SAR1B: variants seen among roughly 807,000 people sequenced by gnomAD.
SAR1B encodes small COPII coat GTPase SAR1B.
SAR1B carries 23 observed loss-of-function variants against 26.8 expected under a neutral mutation model. The ratio of observed to expected loss-of-function variants is 0.86; its 90% CI spans 0.62 to 1.22. The LOEUF (loss-of-function observed/expected upper bound fraction) is 1.22. Ranked by LOEUF, SAR1B falls within the 50% of genes most tolerant of loss-of-function variation. The pLI is 0.00. For synonymous variants in SAR1B, 65 were observed against 80.8 expected (o/e 0.80, Z 1.05); for missense variants, 196 against 232.8 (o/e 0.84, Z 1.03).
At chr5:134,620,034 C>T (rs1174218281) in intron 3 of SAR1B, among the ~76,000 whole-genome samples, 4 of 151,494 alleles carry the variant, frequency 2.6e-5, no homozygotes, top group Non-Finnish European at 4.4e-5. Context: ...AGCCTGGGCG[C>T]GGTGGCTCAC....
At chr5:134,625,817 T>C (rs1271491571) in intron 1 of SAR1B, 1 of 152,032 alleles carries the variant, frequency 6.6e-6, no homozygotes, top group East Asian at 1.9e-4. Flanking sequence ...GTGAATCAAG[T>C]GGCAAAGTCC....
intron 3 of SAR1B, among the ~76,000 whole-genome samples, chr5:134,620,624 G>T (rs1314016206): frequency 6.6e-6 from 1 of 152,210 alleles, no homozygotes; most frequent in East Asian, 1.9e-4. Context: ...ACTTTCGGAG[G>T]CTGAGAGAGG....
At chr5:134,611,733 T>G (rs184084492) in intron 4 of SAR1B, among the ~76,000 whole-genome samples, 1 of 151,708 alleles carries the variant, frequency 6.6e-6, no homozygotes, top group Admixed American at 6.6e-5. Context: ...CCAAGGGAGG[T>G]AGCAGGGCAT....
At chr5:134,628,941 A>ACCATGC (rs886551478) in intron 1 of SAR1B, among the ~76,000 whole-genome samples, 2 of 152,012 alleles carry the variant, frequency 1.3e-5, no homozygotes, top group Admixed American at 1.3e-4. Flanking sequence ...GATGTGAGCC[A>ACCATGC]CCATGCCCGG....
rs1019167743 is a variant in SAR1B, at chr5:134,601,848, A to C, written c.*5102T>G. On this transcript the variant is annotated 3_prime_UTR_variant, in exon 7 of 7. Transcript: ENST00000402673. ...ATCACGTGAGGTCAGAAGTTCGACA[A>C]GCCTGGACAACATGGTGAAACCCTG... The C allele has an allele frequency of 2.6e-5, 4 of 152,206 alleles. No individual in the cohort carries two copies. Among genetic ancestry groups the C allele is most frequent in the Admixed American group, 6.5e-5 (1 of 15,268 alleles). 9.4% of individuals were successfully genotyped at this position (152,206 alleles called of 1,614,324 possible). A position where few individuals can be genotyped will look rare whatever the true frequency, so the allele number is the denominator to read the frequency against.
intron 3 of SAR1B, among the ~76,000 whole-genome samples, chr5:134,619,858 A>G (rs1488564600): frequency 6.6e-6 from 1 of 152,058 alleles, no homozygotes; most frequent in African/African-American, 2.4e-5. Context: ...AATGGCTCCT[A>G]TCTTTAATCC....
chr5:134,615,889 C>T (rs541932548), intron 3 of SAR1B, among the ~76,000 whole-genome samples: 1 of 152,188 alleles, frequency 6.6e-6, no homozygotes, highest in South Asian at 2.1e-4. Flanking sequence ...CTAATCCCAG[C>T]ACTTCGGGAG....
At chr5:134,612,212 A>G (rs1174794402) in intron 4 of SAR1B, among the ~76,000 whole-genome samples, 1 of 152,086 alleles carries the variant, frequency 6.6e-6, no homozygotes, top group Non-Finnish European at 1.5e-5. Flanking sequence ...AAGTAGAGAG[A>G]ATGGAAGTTA....
At chr5:134,621,573 G>C (rs1397165876) in intron 2 of SAR1B, among the ~76,000 whole-genome samples, 2 of 152,080 alleles carry the variant, frequency 1.3e-5, no homozygotes, top group African/African-American at 4.8e-5. Flanking sequence ...CCAGTCAATA[G>C]AATATGTGTT....
At position 134,607,056 on chromosome 5, in the gene SAR1B, G is replaced by T. The variant is rs757797143; in HGVS notation, c.491C>A (p.Ser164Tyr). Residue 164 changes from serine to tyrosine, a missense_variant, in exon 7 of 7, where the codon TCT becomes TAT. Ser to Tyr is a moderately radical substitution (Grantham distance 144). Coordinates refer to ENST00000402673, the MANE Select transcript of SAR1B (RefSeq NM_016103.4). The part of the protein sequence containing the change: ...YGQTTGKGSI[S>Y]LKELNARPLE... ...GGGTCGGGCATTCAGTTCTTTCAGA[G>T]ATATACTCCCCTAGAATAGAAGAGA... The T allele has an allele frequency of 6.2e-7, 1 of 1,600,578 alleles. No individual in the cohort carries two copies. Among genetic ancestry groups the T allele is most frequent in the Non-Finnish European group, 8.6e-7 (1 of 1,167,644 alleles).
chr5:134,619,344 C>A (rs958853273), intron 3 of SAR1B, among the ~76,000 whole-genome samples: 10 of 120,856 alleles, frequency 8.3e-5, no homozygotes, highest in Non-Finnish European at 1.7e-4. Context: ...AAAAAAAAAA[C>A]TTTCAATTTT....
At chr5:134,619,899 C>A (rs1299205459) in intron 3 of SAR1B, among the ~76,000 whole-genome samples, 2 of 151,802 alleles carry the variant, frequency 1.3e-5, no homozygotes, top group Non-Finnish European at 2.9e-5. Context: ...GCAGGAGGAT[C>A]ACTTGCACCT....
intron 1 of SAR1B, among the ~76,000 whole-genome samples, chr5:134,628,297 A>T (rs1765535625): frequency 6.6e-6 from 1 of 151,998 alleles, no homozygotes; most frequent in Non-Finnish European, 1.5e-5. Flanking sequence ...AAATAAAAAT[A>T]AAAAATACAC....
At chr5:134,614,783 G>T in intron 3 of SAR1B, 1 of 152,352 alleles carries the variant, frequency 6.6e-6, no homozygotes. Context: ...ATGTTTGGGT[G>T]TCCTCTCTTT....
intron 1 of SAR1B, among the ~76,000 whole-genome samples, chr5:134,628,579 G>A (rs1765539270): frequency 6.6e-6 from 1 of 152,122 alleles, no homozygotes; most frequent in African/African-American, 2.4e-5. Flanking sequence ...AGTTTGGGAG[G>A]CGAAGGCAGG....
chr5:134,609,629 A>T lies in SAR1B; in HGVS notation c.290T>A (p.Val97Glu). ...KNYLPAINGI[V>E]FLVDCADHER... ...GTGGTCTGCACAATCCACCAGAAAT[A>T]CAATGCCATTGATAGCAGGAAGGTA... Residue 97 changes from valine to glutamate, a missense_variant, in exon 5 of 7, where the codon GTA becomes GAA. Val to Glu is a moderately radical substitution (Grantham distance 121). Transcript: ENST00000402673. 6.2e-7 allele frequency: 1 copy of T among 1,614,172 alleles called. No homozygotes were observed. Among genetic ancestry groups the T allele is most frequent in the Non-Finnish European group, 8.5e-7 (1 of 1,180,014 alleles).
intron 3 of SAR1B, among the ~76,000 whole-genome samples, chr5:134,615,253 C>T (rs1765288855): frequency 6.6e-6 from 1 of 151,004 alleles, no homozygotes; most frequent in Non-Finnish European, 1.5e-5. Flanking sequence ...GAGGCTGAGG[C>T]AGGAGAATCG....
At position 134,606,937 on chromosome 5, in the gene SAR1B, A is replaced by G. The variant is rs1381613164; in HGVS notation, c.*13T>C. Reference sequence around the variant, plus strand: ...GCCTGAACGTTGAGACCTGGAACCAATGTGAGTTTGTGTTAATCAATGTAC... The same window carrying G: ...GCCTGAACGTTGAGACCTGGAACCAGTGTGAGTTTGTGTTAATCAATGTAC... On this transcript the variant is annotated 3_prime_UTR_variant, in exon 7 of 7. Coordinates refer to ENST00000402673, the MANE Select transcript of SAR1B (RefSeq NM_016103.4). 1 of 1,557,506 alleles carries G rather than the reference A, an allele frequency of 6.4e-7. No individual in the cohort carries two copies. Among genetic ancestry groups the G allele is most frequent in the Non-Finnish European group, 8.9e-7 (1 of 1,128,386 alleles).
intron 4 of SAR1B, among the ~76,000 whole-genome samples, chr5:134,612,098 A>C (rs1198051656): frequency 6.6e-6 from 1 of 152,134 alleles, no homozygotes; most frequent in Non-Finnish European, 1.5e-5. Flanking sequence ...TTTTGTAAGT[A>C]ATGAGTTAGC....
Sources: allele counts gnomAD v4.1 joint callset (sites outside exome capture counted in the v4.1 genomes callset), GRCh38; gene constraint gnomAD v4.1.1; transcripts MANE v1.5; gene names NCBI Gene and HGNC (gene_info 2026-07-23, HGNC 2026-07-21).